Variants in TLR4 observed in about 807,000 individuals in gnomAD.
The protein encoded by TLR4 is toll like receptor 4, also known as toll-like receptor 4.
TLR4 carries 17 observed loss-of-function variants against 27.4 expected under a neutral mutation model. That is an observed-to-expected ratio of 0.62 (90% confidence interval 0.42 to 0.93). The LOEUF (loss-of-function observed/expected upper bound fraction) is 0.93. Ranked by LOEUF, TLR4 falls within the 40% of genes least tolerant of loss-of-function variation. The probability of loss-of-function intolerance (pLI) is 0.00; values close to 1 mark genes in which losing one functional copy is unlikely to be tolerated. For synonymous variants in TLR4, 363 were observed against 365.7 expected, an observed-to-expected ratio of 0.99 and a Z score of 0.08; for missense variants, 926 against 962.3, an observed-to-expected ratio of 0.96 and a Z score of 0.50.
In TLR4 at chr9:117,708,698, T is replaced by C; in HGVS notation, c.229T>C (p.Phe77Leu). 2 of 1,613,898 alleles carry C rather than the reference T, an allele frequency of 1.2e-6. No homozygotes were observed. Among genetic ancestry groups the C allele is most frequent in the Non-Finnish European group, 1.7e-6 (2 of 1,179,812 alleles). Residue 77 changes from phenylalanine to leucine, a missense_variant, in exon 2 of 3, where the codon TTC (phenylalanine) becomes CTC (leucine). Physicochemically the swap from Phe to Leu is conservative, Grantham distance 22. Transcript: ENST00000355622. ...TTTAGGCAGCTATAGCTTCTTCAGT[T>C]TCCCAGAACTGCAGGTGCTGGATTT... ...RHLGSYSFFS[F>L]PELQVLDLSR...
intron 1 of TLR4, among the ~76,000 whole-genome samples, chr9:117,706,520 T>C (rs928510968): frequency 2.6e-5 from 4 of 152,276 alleles, no homozygotes; most frequent in African/African-American, 4.8e-5. Flanking sequence ...TTGAAATAAT[T>C]GCTGCAGGAC....
chr9:117,714,578 A>C lies in TLR4; in HGVS notation c.2450A>C (p.Asp817Ala). ...FWRRLRKALLDGKSWNPEGTV... is the reference protein window; with the variant it reads ...FWRRLRKALLAGKSWNPEGTV... ...AGACGACTCAGAAAAGCCCTGCTGG[A>C]TGGTAAATCATGGAATCCAGAAGGA... is the stretch of plus-strand genomic sequence containing the variant. Residue 817 changes from aspartate to alanine, a missense_variant, in exon 3 of 3, where the codon GAT becomes GCT. Physicochemically the swap from Asp to Ala is moderately radical, Grantham distance 126. Transcript: ENST00000355622. 1.2e-6 allele frequency: 2 copies of C among 1,613,814 alleles called. No individual in the cohort carries two copies. Among genetic ancestry groups the C allele is most frequent in the Non-Finnish European group, 1.7e-6 (2 of 1,179,976 alleles).
In TLR4 at chr9:117,717,684, T is replaced by C. The variant is rs1175051935; in HGVS notation, c.*3036T>C. On this transcript the variant is annotated 3_prime_UTR_variant, in exon 3 of 3. Coordinates refer to ENST00000355622, the MANE Select transcript of TLR4 (RefSeq NM_138554.5). ...CGTGCTACATGTAAGTGTGGTTCTATTCATATTTGAATATGAATTCTGCAT... is the reference window on the plus strand; with the variant it reads ...CGTGCTACATGTAAGTGTGGTTCTACTCATATTTGAATATGAATTCTGCAT... 4 of 152,176 alleles carry C rather than the reference T, an allele frequency of 2.6e-5. No individual in the cohort carries two copies. Among genetic ancestry groups the C allele is most frequent in the Non-Finnish European group, 5.9e-5 (4 of 68,032 alleles). The allele number at this position is 152,176 out of a possible 1,614,324, so 9.4% of individuals were successfully genotyped here. A position where few individuals can be genotyped will look rare whatever the true frequency, so the allele number is the denominator to read the frequency against.
Position 117,713,691 on chromosome 9 carries a change from T to G in TLR4, c.1563T>G (p.Ser521Arg), listed in dbSNP as rs1298125105. The G allele has an allele frequency of 1.9e-6, 3 of 1,614,008 alleles. No homozygotes were observed. The highest frequency in any genetic ancestry group is 2.7e-5 in the African/African-American group (2 of 75,044). ...CAACAGCATTTAACTCACTCTCCAG[T>G]CTTCAGGTACTAAATATGAGCCACA... The part of the protein sequence containing the change: ...LSPTAFNSLS[S>R]LQVLNMSHNN... The change falls in exon 3 of 3, where the codon AGT becomes AGG. Residue 521 changes from serine to arginine, a missense_variant. Physicochemically the swap from Ser to Arg is moderately radical, Grantham distance 110. Coordinates refer to ENST00000355622, the MANE Select transcript of TLR4 (RefSeq NM_138554.5).
At chr9:117,704,650 G>C (rs1180915184) in intron 1 of TLR4, 85 bp downstream of exon 1, 2 of 1,057,682 alleles carry the variant, frequency 1.9e-6, no homozygotes, top group Non-Finnish European at 2.7e-6. Context: ...GTTTATTTTT[G>C]CAAAAAAAAA....
In TLR4 at chr9:117,721,923, G is replaced by C. The variant is rs975124720; in HGVS notation, c.*7275G>C. 3 of 152,044 alleles carry C rather than the reference G, an allele frequency of 2.0e-5. No individual in the cohort carries two copies. Among genetic ancestry groups the C allele is most frequent in the Non-Finnish European group, 4.4e-5 (3 of 67,996 alleles). The allele number at this position is 152,044 out of a possible 1,614,324, so 9.4% of individuals were successfully genotyped here. Reference sequence around the variant, plus strand: ...TCAATCCCACTAGATCAGACTCTTTGGGATACTAGGATTGGCCTATTTGAT... The same window carrying C: ...TCAATCCCACTAGATCAGACTCTTTCGGATACTAGGATTGGCCTATTTGAT... On this transcript the variant is annotated 3_prime_UTR_variant, in exon 3 of 3. Coordinates refer to ENST00000355622, the MANE Select transcript of TLR4 (RefSeq NM_138554.5).
Position 117,712,369 on chromosome 9 carries a change from A to G in TLR4, c.261-20A>G. 6.2e-7 allele frequency: 1 copy of G among 1,604,412 alleles called. No individual in the cohort carries two copies. The highest frequency in any genetic ancestry group is 8.5e-7 in the Non-Finnish European group (1 of 1,172,600). On this transcript the variant is annotated intron_variant, in intron 2 of 2. Transcript: ENST00000355622. ...ATTCAGCAGAAATATTAGATAATCA[A>G]TGTCTTTTTATTCCTGTAGGTGTGA...
chr9:117,712,464 C>A lies in TLR4; in HGVS notation c.336C>A (p.Asn112Lys), dbSNP rs758480635. ...TCTCTACCTTAATATTGACAGGAAA[C>A]CCCATCCAGAGTTTAGCCCTGGGAG... Reference protein sequence around the residue: ...SHLSTLILTGNPIQSLALGAF... With the variant: ...SHLSTLILTGKPIQSLALGAF... The change falls in exon 3 of 3, where the codon AAC becomes AAA. Residue 112 changes from asparagine (N) to lysine (K), a missense_variant. Asn to Lys is a moderately conservative substitution (Grantham distance 94). Coordinates refer to ENST00000355622, the MANE Select transcript of TLR4 (RefSeq NM_138554.5). The A allele has an allele frequency of 6.2e-7, 1 of 1,613,864 alleles. No homozygotes were observed. The highest frequency in any genetic ancestry group is 8.5e-7 in the Non-Finnish European group (1 of 1,179,906).
chr9:117,708,218 A>G, intron 1 of TLR4: 5 of 1,086,708 alleles, frequency 4.6e-6, no homozygotes, highest in Non-Finnish European at 5.6e-6. Context: ...TAAACCACAC[A>G]GAAGAGCTGG....
rs1188577144 is a variant in TLR4, at chr9:117,719,272, G to T, written c.*4624G>T. ...GTTTGTCACATCAATGAATTAGAAAGATACGAAAGTATTTCCAATTTACAA... is the reference window on the plus strand; with the variant it reads ...GTTTGTCACATCAATGAATTAGAAATATACGAAAGTATTTCCAATTTACAA... On this transcript the variant is annotated 3_prime_UTR_variant, in exon 3 of 3. Transcript: ENST00000355622. 2 of 152,160 alleles carry T rather than the reference G, an allele frequency of 1.3e-5. No homozygotes were observed. The highest frequency in any genetic ancestry group is 2.9e-5 in the Non-Finnish European group (2 of 68,034). 9.4% of individuals were successfully genotyped at this position (152,160 alleles called of 1,614,324 possible).
chr9:117,712,952 C>G lies in TLR4; in HGVS notation c.824C>G (p.Ser275Cys), dbSNP rs776773258. Residue 275 changes from serine to cysteine, a missense_variant, in exon 3 of 3, where the codon TCT becomes TGT. Ser to Cys is a moderately radical substitution (Grantham distance 112). Coordinates refer to ENST00000355622, the MANE Select transcript of TLR4 (RefSeq NM_138554.5). ...GGAAACTTGGAAAAGTTTGACAAAT[C>G]TGCTCTAGAGGGCCTGTGCAATTTG... ...NEGNLEKFDKSALEGLCNLTI... is the reference protein window; with the variant it reads ...NEGNLEKFDKCALEGLCNLTI... 4 of 1,614,116 alleles carry G rather than the reference C, an allele frequency of 2.5e-6. No homozygotes were observed. Among genetic ancestry groups the G allele is most frequent in the South Asian group, 2.2e-5 (2 of 91,088 alleles).
intron 2 of TLR4, among the ~76,000 whole-genome samples, chr9:117,709,242 G>C (rs1029841682): frequency 3.3e-5 from 5 of 152,030 alleles, no homozygotes; most frequent in African/African-American, 1.2e-4. Flanking sequence ...ACATATAACA[G>C]TAGGTGATAA....
At chr9:117,707,564 G>T (rs774457814) in intron 1 of TLR4, among the ~76,000 whole-genome samples, 1 of 152,190 alleles carries the variant, frequency 6.6e-6, no homozygotes, top group Non-Finnish European at 1.5e-5. Flanking sequence ...AAGGAATTTT[G>T]TTGGAGGAAA....
rs1829398212 is a variant in TLR4, at chr9:117,719,468, C to A, written c.*4820C>A. 1 of 152,096 alleles carries A rather than the reference C, an allele frequency of 6.6e-6. No homozygotes were observed. The allele number at this position is 152,096 out of a possible 1,614,324, so 9.4% of individuals were successfully genotyped here. A position where few individuals can be genotyped will look rare whatever the true frequency, so the allele number is the denominator to read the frequency against. Reference sequence around the variant, plus strand: ...TCACAAAATGCATAAAACTTCCTATCTCACCATTATAATTTTGACTGATAT... The same window carrying A: ...TCACAAAATGCATAAAACTTCCTATATCACCATTATAATTTTGACTGATAT... On this transcript the variant is annotated 3_prime_UTR_variant, in exon 3 of 3. Transcript: ENST00000355622.
At chr9:117,710,158 A>G (rs1829207281) in intron 2 of TLR4, among the ~76,000 whole-genome samples, 1 of 152,104 alleles carries the variant, frequency 6.6e-6, no homozygotes, top group South Asian at 2.1e-4. Flanking sequence ...AATCGATACC[A>G]TCACTCAGGT....
At chr9:117,705,821 T>C (rs2131161772) in intron 1 of TLR4, among the ~76,000 whole-genome samples, 1 of 152,300 alleles carries the variant, frequency 6.6e-6, no homozygotes, top group African/African-American at 2.4e-5. Context: ...TTTTAATAAC[T>C]CTCCATTGCC....
chr9:117,711,159 C>T (rs914433429), intron 2 of TLR4, among the ~76,000 whole-genome samples: 1 of 152,140 alleles, frequency 6.6e-6, no homozygotes, highest in Non-Finnish European at 1.5e-5. Flanking sequence ...CTCTTTTGTC[C>T]ACTCTTCCAG....
rs759420110 is a variant in TLR4 at position 117,713,839 on chromosome 9, C to A, written c.1711C>A (p.Leu571Ile). The change falls in exon 3 of 3, where the codon CTA (leucine) becomes ATA (isoleucine). Residue 571 changes from leucine to isoleucine, a missense_variant. Leu to Ile is a conservative substitution (Grantham distance 5). Coordinates refer to ENST00000355622, the MANE Select transcript of TLR4 (RefSeq NM_138554.5). ...GGAACTACAGCATTTTCCAAGTAGT[C>A]TAGCTTTCTTAAATCTTACTCAGAA... ...KQELQHFPSS[L>I]AFLNLTQNDF... 6.2e-7 allele frequency: 1 copy of A among 1,614,028 alleles called. No homozygotes were observed. Among genetic ancestry groups the A allele is most frequent in the Admixed American group, 1.7e-5 (1 of 59,994 alleles).
rs933229597 is a variant in TLR4, at chr9:117,724,570, TAGAG to T, written c.*9926_*9929del. 3 of 152,256 alleles carry T rather than the reference TAGAG, an allele frequency of 2.0e-5. No individual in the cohort carries two copies. The highest frequency in any genetic ancestry group is 1.3e-4 in the Admixed American group (2 of 15,286). The allele number at this position is 152,256 out of a possible 1,614,324, so 9.4% of individuals were successfully genotyped here. The stretch of plus-strand genomic sequence containing the variant: ...TGTGCCTGTCTTTCTTCTCATGTAT[TAGAG>T]AGAACAAAAGCTTTGGGAATCAGAC... On this transcript the variant is annotated 3_prime_UTR_variant, in exon 3 of 3. Transcript: ENST00000355622.
Sources: allele counts gnomAD v4.1 joint callset (sites outside exome capture counted in the v4.1 genomes callset), GRCh38; gene constraint gnomAD v4.1.1; transcripts MANE v1.5; gene names NCBI Gene and HGNC (gene_info 2026-07-23, HGNC 2026-07-21).